The following TXLNB variants were observed in gnomAD, a reference collection of about 807,000 sequenced individuals.
TXLNB encodes beta-taxilin.
Under a neutral mutation model 57.4 loss-of-function variants are expected in TXLNB, and 37 were observed. That is an observed-to-expected ratio of 0.64 (90% CI 0.50 to 0.85). TXLNB has a LOEUF of 0.85. Ranked by LOEUF, TXLNB falls within the 40% of genes least tolerant of loss-of-function variation. The pLI, the probability that TXLNB is intolerant of heterozygous loss-of-function variation, is 0.00. For synonymous variants in TXLNB, 302 were observed against 309.6 expected (o/e 0.98, Z 0.26); for missense variants, 848 against 825.6 (o/e 1.03, Z -0.33).
At chr6:139,247,432 G>A (rs1036808191) in intron 8 of TXLNB, among the ~76,000 whole-genome samples, 3 of 150,348 alleles carry the variant, frequency 2.0e-5, no homozygotes, top group Non-Finnish European at 2.9e-5. Flanking sequence ...GAACCACCAC[G>A]TCTGGACAAA....
chr6:139,166,407 A>G, the TXLNB span: 1 of 1,614,236 alleles, frequency 6.2e-7, no homozygotes, highest in Non-Finnish European at 8.5e-7. Flanking sequence ...ATGCACCTGC[A>G]GTGCTTCTAC....
the TXLNB span, among the ~76,000 whole-genome samples, chr6:139,222,757 AGATTGCGC>A: frequency 1.6e-4 from 24 of 152,104 alleles, no homozygotes; most frequent in Non-Finnish European, 3.2e-4. Flanking sequence ...CAGTGAGCCG[AGATTGCGC>A]CACTGCACTC....
the TXLNB span, among the ~76,000 whole-genome samples, chr6:139,185,252 G>A: frequency 1.3e-5 from 2 of 150,734 alleles, no homozygotes; most frequent in Non-Finnish European, 3.0e-5. Flanking sequence ...ATACCTAAAA[G>A]GTCAGTTTAC....
At chr6:139,174,589 C>T in the TXLNB span, 3 of 1,584,286 alleles carry the variant, frequency 1.9e-6, no homozygotes, top group South Asian at 2.3e-5. Flanking sequence ...AGGCTTCTGT[C>T]CCCAAGTGAA....
the TXLNB span, among the ~76,000 whole-genome samples, chr6:139,215,701 G>A: frequency 6.6e-6 from 1 of 152,142 alleles, no homozygotes; most frequent in East Asian, 1.9e-4. Flanking sequence ...CCTACAGAAT[G>A]GGAGAAAATT....
the TXLNB span, among the ~76,000 whole-genome samples, chr6:139,186,349 CA>C: frequency 6.6e-6 from 1 of 151,946 alleles, no homozygotes; most frequent in African/African-American, 2.4e-5. Context: ...AAAGTTCCCC[CA>C]AAAAACATTT....
chr6:139,177,856 A>T, the TXLNB span: 2 of 152,346 alleles, frequency 1.3e-5, no homozygotes, highest in African/African-American at 4.8e-5. The surrounding 1 kb of genome is among the most constrained non-coding windows in gnomAD (Gnocchi z 4.9). Flanking sequence ...TATAGCTTTT[A>T]AGGAGAACCC....
At chr6:139,252,033 C>T (rs76881195) in intron 7 of TXLNB, among the ~76,000 whole-genome samples, 2,180 of 152,148 alleles carry the variant, frequency 0.014, 41 homozygotes, top group African/African-American at 0.05. Flanking sequence ...ATCCAATGAA[C>T]ACTCGATTTT....
the TXLNB span, among the ~76,000 whole-genome samples, chr6:139,185,343 T>C: frequency 6.6e-6 from 1 of 152,182 alleles, no homozygotes; most frequent in Non-Finnish European, 1.5e-5. Flanking sequence ...ATGAATAATA[T>C]ATGAAAACAA....
the TXLNB span, among the ~76,000 whole-genome samples, chr6:139,197,062 G>T: frequency 1.3e-5 from 2 of 152,048 alleles, no homozygotes; most frequent in Non-Finnish European, 2.9e-5. Flanking sequence ...GGGGTGGGGG[G>T]TTATTATTCC....
At chr6:139,243,444 G>A in intron 9 of TXLNB, 130 bp from the exon 10 acceptor site, 2 of 932,018 alleles carry the variant, frequency 2.1e-6, no homozygotes, top group Non-Finnish European at 3.1e-6. Context: ...CTGGGACCTG[G>A]CTACAGAGTA....
chr6:139,176,893 G>A, the TXLNB span: 2 of 841,522 alleles, frequency 2.4e-6, no homozygotes, highest in South Asian at 2.7e-5. The surrounding 1 kb of genome is among the most constrained non-coding windows in gnomAD (Gnocchi z 4.5). Flanking sequence ...TTTGACAAGT[G>A]TTGGGAAGTG....
At chr6:139,278,731 C>T (rs888574231) in intron 2 of TXLNB, among the ~76,000 whole-genome samples, 9 of 152,214 alleles carry the variant, frequency 5.9e-5, no homozygotes, top group African/African-American at 1.2e-4. Context: ...GCTGGCCAGG[C>T]ACGGTGGCTC....
the TXLNB span, among the ~76,000 whole-genome samples, chr6:139,191,465 G>A: frequency 7.2e-5 from 11 of 152,268 alleles, no homozygotes; most frequent in East Asian, 2.1e-3. Context: ...CTGCACTAAC[G>A]ATATTTCAAG....
intron 4 of TXLNB, among the ~76,000 whole-genome samples, chr6:139,265,641 G>A (rs961815485): frequency 6.6e-6 from 1 of 152,224 alleles, no homozygotes; most frequent in Non-Finnish European, 1.5e-5. Context: ...CTCATATCAA[G>A]TTGACCCTTT....
At chr6:139,174,689 T>A in the TXLNB span, 1 of 1,138,030 alleles carries the variant, frequency 8.8e-7, no homozygotes, top group South Asian at 1.7e-5. Flanking sequence ...TTTAGTGGAA[T>A]ACTATTCAGT....
At chr6:139,264,692 T>C (rs1211519748) in intron 4 of TXLNB, among the ~76,000 whole-genome samples, 1 of 152,122 alleles carries the variant, frequency 6.6e-6, no homozygotes, top group African/African-American at 2.4e-5. Context: ...CCTGAGTAGC[T>C]GGGATTACAG....
chr6:139,254,236 C>T (rs1416088576), intron 7 of TXLNB, among the ~76,000 whole-genome samples: 2 of 151,976 alleles, frequency 1.3e-5, no homozygotes, highest in Non-Finnish European at 2.9e-5. Context: ...AAAATGTTCC[C>T]TGTATTTTTG....
At chr6:139,180,120 T>A in the TXLNB span, 25 of 152,314 alleles carry the variant, frequency 1.6e-4, no homozygotes, top group East Asian at 4.6e-3. Flanking sequence ...GGGTGAATTA[T>A]CCCATTCTAG....
Sources: allele counts gnomAD v4.1 joint callset (sites outside exome capture counted in the v4.1 genomes callset), GRCh38; gene constraint gnomAD v4.1.1; non-coding constraint Gnocchi (gnomAD v3.1); transcripts MANE v1.5; gene names NCBI Gene and HGNC (gene_info 2026-07-23, HGNC 2026-07-21).